The following ATP8B4 variants were observed in gnomAD, a reference collection of about 807,000 sequenced individuals.
ATP8B4 encodes the protein probable phospholipid-transporting ATPase IM.
A neutral mutation model predicts 145.6 loss-of-function variants in ATP8B4; 133 were observed. That is an observed-to-expected ratio of 0.91 (90% CI 0.79 to 1.05). The LOEUF is 1.05. ATP8B4 is among the 50% of genes least tolerant of loss of function. The probability of loss-of-function intolerance (pLI) is 0.00; values close to 1 mark genes in which losing one functional copy is unlikely to be tolerated. For synonymous variants in ATP8B4, 507 were observed against 492.9 expected, an observed-to-expected ratio of 1.03 and a Z score of -0.38; for missense variants, 1,458 against 1,425.2, an observed-to-expected ratio of 1.02 and a Z score of -0.37.
intron 1 of ATP8B4, among the ~76,000 whole-genome samples, chr15:50,130,666 C>T (rs2057339739): frequency 6.6e-6 from 1 of 151,972 alleles, no homozygotes; most frequent in Admixed American, 6.6e-5. Flanking sequence ...GTCCCAGCTA[C>T]TCAGGAGGCT....
intron 11 of ATP8B4, 39 bp from the exon 12 acceptor site, chr15:49,979,852 C>T: frequency 2.1e-6 from 3 of 1,412,910 alleles, no homozygotes; most frequent in Non-Finnish European, 2.9e-6. Flanking sequence ...TTAACTTGAA[C>T]TCAAAATTAG....
At chr15:50,043,381 T>G (rs2051456591) in intron 5 of ATP8B4, among the ~76,000 whole-genome samples, 1 of 152,198 alleles carries the variant, frequency 6.6e-6, no homozygotes, top group African/African-American at 2.4e-5. Flanking sequence ...ACAACATAAA[T>G]TTGAACTGCA....
Position 50,038,802 on chromosome 15 carries a change from T to G in ATP8B4, c.328A>C (p.Asn110His). 5 of 1,613,784 alleles carry G rather than the reference T, an allele frequency of 3.1e-6. No homozygotes were observed. Among genetic ancestry groups the G allele is most frequent in the Non-Finnish European group, 4.2e-6 (5 of 1,179,706 alleles). ...ATGAGCACTTCAGACTGCCGATTATTCACTTGATTATCACTCTTGTGGCGA... is the reference window on the plus strand; with the variant it reads ...ATGAGCACTTCAGACTGCCGATTATGCACTTGATTATCACTCTTGTGGCGA... ...YFRHKSDNQV[N>H]NRQSEVLINS... is the part of the protein sequence containing the mutation. Residue 110 changes from asparagine to histidine, a missense_variant, in exon 6 of 28, where the codon AAT (asparagine) becomes CAT (histidine). Asn to His is a moderately conservative substitution (Grantham distance 68). Transcript: ENST00000284509.
intron 1 of ATP8B4, among the ~76,000 whole-genome samples, chr15:50,172,778 G>A (rs561217427): frequency 1.3e-4 from 19 of 150,386 alleles, no homozygotes; most frequent in Non-Finnish European, 2.2e-4. Flanking sequence ...TGTGAAGAGC[G>A]CCTCTGCCCG....
intron 13 of ATP8B4, among the ~76,000 whole-genome samples, chr15:49,963,368 C>T (rs539303188): frequency 6.6e-6 from 1 of 152,082 alleles, no homozygotes; most frequent in South Asian, 2.1e-4. Flanking sequence ...TCCTCAAGGA[C>T]CTAAAGGCAG....
intron 23 of ATP8B4, 78 bp downstream of exon 23, chr15:49,897,214 G>A (rs1457315420): frequency 7.5e-7 from 1 of 1,332,066 alleles, no homozygotes. Context: ...TTAGTAAAGA[G>A]CTATGAAGAA....
chr15:50,031,324 A>G (rs1345519056), intron 6 of ATP8B4, among the ~76,000 whole-genome samples: 1 of 152,148 alleles, frequency 6.6e-6, no homozygotes, highest in African/African-American at 2.4e-5. Flanking sequence ...CCCTAGCCCC[A>G]GTGGTACCAT....
At chr15:49,958,444 G>GA (rs1177430907) in intron 14 of ATP8B4, among the ~76,000 whole-genome samples, 1 of 151,352 alleles carries the variant, frequency 6.6e-6, no homozygotes, top group Admixed American at 6.6e-5. Context: ...TAAAATGCAG[G>GA]AAAAAAATAA....
At chr15:49,964,573 G>T (rs1278171428) in intron 13 of ATP8B4, among the ~76,000 whole-genome samples, 2 of 152,102 alleles carry the variant, frequency 1.3e-5, no homozygotes, top group Admixed American at 1.3e-4. Flanking sequence ...GAAACATTGA[G>T]TGCTTTACTA....
At chr15:50,047,304 A>G in intron 4 of ATP8B4, 47 bp downstream of exon 4, 1 of 1,199,046 alleles carries the variant, frequency 8.3e-7, no homozygotes, top group Non-Finnish European at 1.2e-6. Context: ...CAATTTTATG[A>G]ATACTTTAAA....
chr15:49,934,004 A>C lies in ATP8B4; in HGVS notation c.1453+13T>G. 1 of 1,540,226 alleles carries C rather than the reference A, an allele frequency of 6.5e-7. No individual in the cohort carries two copies. Among genetic ancestry groups the C allele is most frequent in the Non-Finnish European group, 8.7e-7 (1 of 1,143,632 alleles). On this transcript the variant is annotated intron_variant, in intron 15 of 27. Coordinates refer to ENST00000284509, the MANE Select transcript of ATP8B4 (RefSeq NM_024837.4). ...AAACAAGGTTCACCACTCAGACATAACTTTTCACTTACCTGCGCTATTCTC... is the reference window on the plus strand; with the variant it reads ...AAACAAGGTTCACCACTCAGACATACCTTTTCACTTACCTGCGCTATTCTC...
intron 1 of ATP8B4, among the ~76,000 whole-genome samples, chr15:50,166,097 ACT>A: frequency 6.6e-6 from 1 of 152,290 alleles, no homozygotes; most frequent in Admixed American, 6.5e-5. Flanking sequence ...GCAGTCTGAA[ACT>A]CTGTAAGTCA....
chr15:49,962,067 A>G (rs1451107138), intron 13 of ATP8B4, 47 bp from the exon 14 acceptor site: 8 of 1,411,622 alleles, frequency 5.7e-6, no homozygotes, highest in Non-Finnish European at 7.8e-6. Context: ...AACCGAAATT[A>G]GAATTAGACA....
intron 25 of ATP8B4, among the ~76,000 whole-genome samples, chr15:49,870,460 T>C (rs2033511977): frequency 6.6e-6 from 1 of 152,164 alleles, no homozygotes; most frequent in African/African-American, 2.4e-5. Flanking sequence ...AATTGAAAAA[T>C]ACTTTTTTAA....
At chr15:49,919,478 C>T (rs569204441) in intron 18 of ATP8B4, among the ~76,000 whole-genome samples, 5 of 152,122 alleles carry the variant, frequency 3.3e-5, no homozygotes, top group Admixed American at 6.5e-5. Context: ...AGTGCAGTGG[C>T]GCGATCTCGG....
chr15:49,897,963 T>G, intron 22 of ATP8B4, 105 bp downstream of exon 22: 2 of 1,275,532 alleles, frequency 1.6e-6, no homozygotes, highest in Admixed American at 4.3e-5. Context: ...TTAGAATCAC[T>G]GGCAAAATTA....
intron 6 of ATP8B4, among the ~76,000 whole-genome samples, chr15:50,034,920 C>A (rs1346349516): frequency 1.3e-5 from 2 of 152,234 alleles, no homozygotes; most frequent in Non-Finnish European, 2.9e-5. Flanking sequence ...TACTCGCAGA[C>A]TTGCCAACAG....
At chr15:50,010,482 T>C (rs1181026390) in intron 7 of ATP8B4, among the ~76,000 whole-genome samples, 1 of 152,102 alleles carries the variant, frequency 6.6e-6, no homozygotes, top group East Asian at 1.9e-4. Flanking sequence ...CTAATCAGGA[T>C]ATTAACAGTA....
intron 1 of ATP8B4, among the ~76,000 whole-genome samples, chr15:50,117,799 C>A (rs1353222267): frequency 6.6e-6 from 1 of 152,144 alleles, no homozygotes; most frequent in Admixed American, 6.5e-5. Context: ...TATTTATATA[C>A]AATGGAATAT....
Sources: allele counts gnomAD v4.1 joint callset (sites outside exome capture counted in the v4.1 genomes callset), GRCh38; gene constraint gnomAD v4.1.1; transcripts MANE v1.5; gene names NCBI Gene and HGNC (gene_info 2026-07-23, HGNC 2026-07-21).